Variants in E2F2 observed in about 807,000 individuals in gnomAD.
E2F2 encodes transcription factor E2F2.
E2F2 carries 22 observed loss-of-function variants against 42.2 expected under a neutral mutation model. That is an observed-to-expected ratio of 0.52 (90% CI 0.37 to 0.74). The LOEUF (loss-of-function observed/expected upper bound fraction) is 0.74, where lower values mean the gene tolerates loss of function less well. Among genes scored for constraint, E2F2 ranks in the 30% least tolerant of loss-of-function variants. The pLI is 0.00. For synonymous variants in E2F2, 248 were observed against 251.6 expected, an observed-to-expected ratio of 0.99 and a Z score of 0.13; for missense variants, 481 against 557.8, an observed-to-expected ratio of 0.86 and a Z score of 1.39.
intron 4 of E2F2, chr1:23,519,348 C>G: frequency 2.8e-6 from 1 of 363,250 alleles, no homozygotes; most frequent in Non-Finnish European, 5.0e-6. Flanking sequence ...AAAATGTTGC[C>G]TTACATTATA....
In E2F2 at chr1:23,507,336, GC is replaced by G. The variant is rs1272300626; in HGVS notation, c.*2543del. 6.6e-6 allele frequency: 1 copy of G among 152,088 alleles called. No individual in the cohort carries two copies. Among genetic ancestry groups the G allele is most frequent in the Non-Finnish European group, 1.5e-5 (1 of 68,090 alleles). The allele number at this position is 152,088 out of a possible 1,614,324, so 9.4% of individuals were successfully genotyped here. On this transcript the variant is annotated 3_prime_UTR_variant, in exon 7 of 7. Coordinates refer to ENST00000361729, the MANE Select transcript of E2F2 (RefSeq NM_004091.4). ...GTTCAAGACCAGCCTGACTAACATG[GC>G]AAAACCCCGTCTCGACCAAAAATAC...
chr1:23,526,990 A>G (rs1414596141), intron 1 of E2F2, among the ~76,000 whole-genome samples: 1 of 152,198 alleles, frequency 6.6e-6, no homozygotes, highest in Admixed American at 6.5e-5. Flanking sequence ...GACAGTGCCC[A>G]GAGGAAAGTC....
intron 6 of E2F2, among the ~76,000 whole-genome samples, chr1:23,513,669 G>A (rs1358981544): frequency 2.0e-5 from 3 of 150,164 alleles, no homozygotes; most frequent in East Asian, 4.0e-4. Context: ...CCAAGACCAG[G>A]AAAACTTCCT....
chr1:23,524,539 T>A (rs1210509012), intron 1 of E2F2, 51 bp from the exon 2 acceptor site: 1 of 1,561,284 alleles, frequency 6.4e-7, no homozygotes, highest in South Asian at 1.2e-5. Context: ...ATTCCTCCTT[T>A]AGCCTTTCCC....
At position 23,520,963 on chromosome 1, in the gene E2F2, C is replaced by G. The variant is rs758230106; in HGVS notation, c.687G>C (p.Gln229His). The change falls in exon 4 of 7, where the codon CAG becomes CAC. Residue 229 changes from glutamine to histidine, a missense_variant. Transcript: ENST00000361729. ...NTEQALDQLI[Q>H]SCSLSFKHLT... ...GGTGCTTGAAGCTCAGAGAGCAGCT[C>G]TGGATGAGCTGGTCCAAGGCCTGCT... is the stretch of plus-strand genomic sequence containing the variant. 4 of 1,612,402 alleles carry G rather than the reference C, an allele frequency of 2.5e-6. No homozygotes were observed. Among genetic ancestry groups the G allele is most frequent in the Non-Finnish European group, 3.4e-6 (4 of 1,179,272 alleles).
Position 23,530,671 on chromosome 1 carries a change from A to G in E2F2, c.123T>C (p.Thr41=). 1 of 1,613,222 alleles carries G rather than the reference A, an allele frequency of 6.2e-7. No individual in the cohort carries two copies. Among genetic ancestry groups the G allele is most frequent in the South Asian group, 1.1e-5 (1 of 91,042 alleles). Residue 41 remains threonine, a synonymous_variant, in exon 1 of 7, where the codon ACT becomes ACC. Coordinates refer to ENST00000361729, the MANE Select transcript of E2F2 (RefSeq NM_004091.4). The surrounding 1 kb of genome is among the most constrained non-coding windows in gnomAD (Gnocchi z 4.4). ...GLSSPQLCPA[T]ATYYTPLYPQ... ...GGTACAGCGGTGTGTAGTAGGTAGC[A>G]GTAGCTGGGCAGAGCTGGGGGCTGC...
chr1:23,521,327 A>T (rs1337926568), intron 3 of E2F2, among the ~76,000 whole-genome samples: 2 of 152,094 alleles, frequency 1.3e-5, no homozygotes, highest in African/African-American at 4.8e-5. Flanking sequence ...CTCCAACTGG[A>T]GTAGCCTCAG....
chr1:23,519,950 C>T (rs1246909066), intron 4 of E2F2, among the ~76,000 whole-genome samples: 4 of 151,838 alleles, frequency 2.6e-5, no homozygotes, highest in African/African-American at 7.3e-5. Flanking sequence ...TGGTGGCAGG[C>T]GCCTGTAATC....
Position 23,519,118 on chromosome 1 carries a change from C to A in E2F2, c.750G>T (p.Val250=), listed in dbSNP as rs1275443760. 1 of 1,613,780 alleles carries A rather than the reference C, an allele frequency of 6.2e-7. No homozygotes were observed. The highest frequency in any genetic ancestry group is 1.7e-4 in the Middle Eastern group (1 of 6,060). The change falls in exon 5 of 7, where the codon GTG becomes GTT. Residue 250 remains valine, a synonymous_variant. Transcript: ENST00000361729. ...CAACAGCACGGATATCCTGGTAAGT[C>A]ACATAGGCCAGCGTAGGGCAGGAGA... ...EDKANKRLAY[V]TYQDIRAVGN...
At chr1:23,511,231 C>T (rs1232777089) in intron 6 of E2F2, among the ~76,000 whole-genome samples, 1 of 151,956 alleles carries the variant, frequency 6.6e-6, no homozygotes, top group Non-Finnish European at 1.5e-5. Context: ...ATTTCTTTCT[C>T]GCCGCCTTCT....
In E2F2 at chr1:23,524,397, A is replaced by G; in HGVS notation, c.344T>C (p.Leu115Pro). Reference sequence around the variant, plus strand: ...GCACTGCTTACTTTTGGGGCTGGGGAGGCCATCCACTCTGATGCACTTCCC... The same window carrying G: ...GCACTGCTTACTTTTGGGGCTGGGGGGGCCATCCACTCTGATGCACTTCCC... ...PKGKCIRVDG[L>P]PSPKTPKSPG... Residue 115 changes from leucine to proline, a missense_variant, in exon 2 of 7, where the codon CTC becomes CCC. Physicochemically the swap from Leu to Pro is moderately conservative, Grantham distance 98. Transcript: ENST00000361729. 1 of 1,533,416 alleles carries G rather than the reference A, an allele frequency of 6.5e-7. No homozygotes were observed. The highest frequency in any genetic ancestry group is 1.8e-5 in the Admixed American group (1 of 57,116). The allele number at this position is 1,533,416 out of a possible 1,614,324, so 95.0% of individuals were successfully genotyped here.
intron 5 of E2F2, among the ~76,000 whole-genome samples, chr1:23,518,234 G>A (rs553676787): frequency 6.3e-4 from 95 of 151,994 alleles, no homozygotes; most frequent in South Asian, 1.2e-3. Context: ...TTGGGAGGCC[G>A]AGGCAGGTGG....
In E2F2 at chr1:23,522,048, A is replaced by G; in HGVS notation, c.367T>C (p.Ser123Pro). Reference sequence around the variant, plus strand: ...TCATACCGAGTCTTCTCCCCGGGGGATTTGGGGGCTGAAGAAGAAAGGGAC... The same window carrying G: ...TCATACCGAGTCTTCTCCCCGGGGGGTTTGGGGGCTGAAGAAGAAAGGGAC... ...DGLPSPKTPK[S>P]PGEKTRYDTS... is the part of the protein sequence containing the mutation. The change falls in exon 3 of 7, where the codon TCC becomes CCC. Residue 123 changes from serine (S) to proline (P), a missense_variant. Ser to Pro is a moderately conservative substitution (Grantham distance 74). Transcript: ENST00000361729. 1 of 1,613,536 alleles carries G rather than the reference A, an allele frequency of 6.2e-7. No individual in the cohort carries two copies.
chr1:23,522,100 C>A, intron 2 of E2F2, 44 bp from the exon 3 acceptor site: 1 of 1,576,938 alleles, frequency 6.3e-7, no homozygotes, highest in Admixed American at 1.7e-5. Flanking sequence ...GAGGGGAGGG[C>A]CCGCCCAGGA....
In E2F2 at chr1:23,524,362, G is replaced by A. The variant is rs372302077; in HGVS notation, c.358+21C>T. 71 of 1,541,686 alleles carry A rather than the reference G, an allele frequency of 4.6e-5. No individual in the cohort carries two copies. The African/African-American group carries it at 9.1e-4, about 20-fold the overall frequency. ...TGCCCCTGCCCCACCCCACCCCAGA[G>A]GCCCCATCAGCACTGCTTACTTTTG... On this transcript the variant is annotated intron_variant, in intron 2 of 6. Coordinates refer to ENST00000361729, the MANE Select transcript of E2F2 (RefSeq NM_004091.4).
chr1:23,521,577 A>G (rs537362557), intron 3 of E2F2: 20 of 984,254 alleles, frequency 2.0e-5, no homozygotes, highest in Middle Eastern at 1.0e-3. Context: ...TACACCTCCC[A>G]GATGTCATTC....
chr1:23,522,097 G>A (rs1187957088), intron 2 of E2F2, 41 bp from the exon 3 acceptor site: 2 of 1,594,782 alleles, frequency 1.3e-6, no homozygotes, highest in South Asian at 1.1e-5. Context: ...AGGGAGGGGA[G>A]GGCCCGCCCA....
chr1:23,514,788 G>A (rs1168350330), intron 6 of E2F2, among the ~76,000 whole-genome samples: 4 of 134,724 alleles, frequency 3.0e-5, no homozygotes, highest in Admixed American at 1.7e-4. Flanking sequence ...TGTGAGCCAA[G>A]ATCATACCAT....
At chr1:23,528,359 C>G (rs560936183) in intron 1 of E2F2, among the ~76,000 whole-genome samples, 1 of 152,348 alleles carries the variant, frequency 6.6e-6, no homozygotes, top group East Asian at 1.9e-4. Context: ...AGCAAGCGGC[C>G]ACACCCAGGG....
Sources: gnomAD v4.1 joint callset for allele counts (sites outside exome capture counted in the v4.1 genomes callset) on GRCh38, gnomAD v4.1.1 for gene constraint, Gnocchi (gnomAD v3.1) non-coding constraint, MANE v1.5 for transcripts, NCBI Gene and HGNC (gene_info 2026-07-23, HGNC 2026-07-21) for gene names.